TENM2: variants seen among roughly 807,000 people sequenced by gnomAD.
The protein encoded by TENM2 is teneurin-2.
Under a neutral mutation model 245.2 loss-of-function variants are expected in TENM2, and 52 were observed. The observed-to-expected ratio is 0.21, with a 90% CI of 0.17 to 0.27. The LOEUF is 0.27. Ranked by LOEUF, TENM2 falls within the 10% of genes least tolerant of loss-of-function variation. The pLI is 1.00. For synonymous variants in TENM2, 1,363 were observed against 1,438.9 expected, an observed-to-expected ratio of 0.95 and a Z score of 1.19; for missense variants, 3,046 against 3,666.8, an observed-to-expected ratio of 0.83 and a Z score of 4.37.
intron 2 of TENM2, among the ~76,000 whole-genome samples, chr5:167,745,806 G>A (rs998024377): frequency 2.6e-4 from 39 of 152,274 alleles, no homozygotes; most frequent in African/African-American, 9.4e-4. Context: ...TCTATGCATA[G>A]CATGTATCAG....
intron 2 of TENM2, among the ~76,000 whole-genome samples, chr5:167,800,989 T>TA (rs397999858): frequency 2.7e-5 from 4 of 149,870 alleles, no homozygotes; most frequent in Non-Finnish European, 5.9e-5. Flanking sequence ...ACCACTGCCT[T>TA]AAAAAAAAGA....
At chr5:167,554,223 A>G (rs1353769306) in intron 2 of TENM2, among the ~76,000 whole-genome samples, 6 of 152,230 alleles carry the variant, frequency 3.9e-5, no homozygotes, top group Non-Finnish European at 7.3e-5. Flanking sequence ...TCTGGACCAG[A>G]GCAATGGTTA....
intron 1 of TENM2, among the ~76,000 whole-genome samples, chr5:167,361,122 CATT>C (rs1759685315): frequency 6.6e-6 from 1 of 152,032 alleles, no homozygotes. Context: ...TAATAGAAAA[CATT>C]ATGATATCAC....
the TENM2 span, among the ~76,000 whole-genome samples, chr5:167,100,750 A>G: frequency 6.6e-6 from 1 of 152,084 alleles, no homozygotes; most frequent in South Asian, 2.1e-4. Flanking sequence ...TTAAAATTAT[A>G]AAATGCTTCC....
chr5:167,711,257 G>GTGAT (rs1758887375), intron 2 of TENM2, among the ~76,000 whole-genome samples: 1 of 152,326 alleles, frequency 6.6e-6, no homozygotes, highest in South Asian at 2.1e-4. Flanking sequence ...GCCAGGCTAG[G>GTGAT]TGATTGACTA....
At chr5:166,999,901 G>A in the TENM2 span, among the ~76,000 whole-genome samples, 4 of 152,252 alleles carry the variant, frequency 2.6e-5, no homozygotes, top group East Asian at 7.7e-4. Context: ...TAGAGCTGGA[G>A]ATGGAACACT....
chr5:167,019,753 A>G, the TENM2 span, among the ~76,000 whole-genome samples: 1 of 152,080 alleles, frequency 6.6e-6, no homozygotes, highest in Non-Finnish European at 1.5e-5. Flanking sequence ...TACAGACGTG[A>G]GCCACCGTGC....
intron 2 of TENM2, among the ~76,000 whole-genome samples, chr5:167,392,616 C>T (rs1761824489): frequency 6.6e-6 from 1 of 152,094 alleles, no homozygotes; most frequent in Non-Finnish European, 1.5e-5. Context: ...AGCTTGCAGG[C>T]AGCAGATGGG....
At chr5:167,973,512 G>A (rs1781956832) in intron 4 of TENM2, among the ~76,000 whole-genome samples, 1 of 152,198 alleles carries the variant, frequency 6.6e-6, no homozygotes, top group African/African-American at 2.4e-5. Context: ...AGGTCACAGA[G>A]CAGATTATTT....
chr5:167,670,297 A>T (rs191569353), intron 2 of TENM2, among the ~76,000 whole-genome samples: 1 of 152,290 alleles, frequency 6.6e-6, no homozygotes, highest in East Asian at 1.9e-4. Flanking sequence ...AAAACTCCCA[A>T]GGTGTCCAGA....
At chr5:167,612,226 C>T (rs185002940) in intron 2 of TENM2, among the ~76,000 whole-genome samples, 1 of 152,192 alleles carries the variant, frequency 6.6e-6, no homozygotes. Flanking sequence ...AGAGCTGATC[C>T]TTGCCATCCA....
the TENM2 span, among the ~76,000 whole-genome samples, chr5:167,134,171 G>C: frequency 6.6e-6 from 1 of 152,076 alleles, no homozygotes; most frequent in African/African-American, 2.4e-5. Context: ...ATTATTAAAA[G>C]TCAAAAAAAG....
chr5:167,709,363 A>G (rs1336615750), intron 2 of TENM2, among the ~76,000 whole-genome samples: 1 of 152,106 alleles, frequency 6.6e-6, no homozygotes, highest in Non-Finnish European at 1.5e-5. Context: ...TCTTATTTGA[A>G]TTTCATTTCA....
intron 13 of TENM2, among the ~76,000 whole-genome samples, chr5:168,171,082 A>C (rs1351987105): frequency 6.6e-6 from 1 of 152,228 alleles, no homozygotes; most frequent in Non-Finnish European, 1.5e-5. Flanking sequence ...CAGTCAAGGC[A>C]CATTGTATCA....
chr5:167,977,694 CAG>C (rs1782543383), intron 4 of TENM2, among the ~76,000 whole-genome samples: 1 of 152,176 alleles, frequency 6.6e-6, no homozygotes, highest in Non-Finnish European at 1.5e-5. Context: ...GGATAGGATG[CAG>C]AGAGACTGGC....
rs35366640 is a variant in TENM2 at position 167,387,250 on chromosome 5, T to TTTGTTG, written c.502+11792_502+11797dup. Among the ~76,000 whole-genome samples the TTTGTTG allele has an allele frequency of 3.9e-3, 587 of 151,304 alleles. 2 individuals carry two copies. Among genetic ancestry groups the TTTGTTG allele is most frequent in the East Asian group, 0.018 (92 of 5,104 alleles). On this transcript the variant is annotated intron_variant, in intron 2 of 28. Transcript: ENST00000518659. ...CTTGGTTAGGTATAATCCTAAGTGT[T>TTTGTTG]TTGTTGTTGTTGTTGTTGTTTTTGT...
chr5:168,230,102 A>G (rs182483478), intron 25 of TENM2, among the ~76,000 whole-genome samples: 1 of 152,096 alleles, frequency 6.6e-6, no homozygotes, highest in Non-Finnish European at 1.5e-5. Context: ...TAATAATGGT[A>G]CTTGTGGTAA....
chr5:168,200,014 G>C (rs767687593), exon 17 of TENM2: 3 of 1,614,038 alleles, frequency 1.9e-6, no homozygotes, highest in Non-Finnish European at 2.5e-6. Flanking sequence ...GATGGTGGCT[G>C]TCGAGGGGCA....
the TENM2 span, among the ~76,000 whole-genome samples, chr5:167,065,322 A>C: frequency 6.6e-6 from 1 of 152,178 alleles, no homozygotes; most frequent in Admixed American, 6.5e-5. Flanking sequence ...AACTATAATT[A>C]TATATATGAC....
Sources: allele counts gnomAD v4.1 joint callset (sites outside exome capture counted in the v4.1 genomes callset), GRCh38; gene constraint gnomAD v4.1.1; transcripts MANE v1.5; gene names NCBI Gene and HGNC (gene_info 2026-07-23, HGNC 2026-07-21).